Variants in IL1RAPL2 observed in about 807,000 individuals in gnomAD.
The protein encoded by IL1RAPL2 is interleukin 1 receptor accessory protein like 2.
In IL1RAPL2, 3 loss-of-function variants were observed where a neutral mutation model predicts 44.1. The ratio of observed to expected loss-of-function variants is 0.07; its 90% CI spans 0.03 to 0.18. IL1RAPL2 has a LOEUF of 0.18. IL1RAPL2 is among the 10% of genes least tolerant of loss of function. The pLI is 1.00. For missense variants in IL1RAPL2, 391 were observed against 496.4 expected (o/e 0.79, Z 2.02); for synonymous variants, 181 against 178.8 (o/e 1.01, Z -0.10).
At chrX:104,876,078 T>G (rs1922892827) in intron 2 of IL1RAPL2, among the ~76,000 whole-genome samples, 1 of 111,463 alleles carries the variant, frequency 9.0e-6, no homozygotes, top group South Asian at 3.8e-4. Context: ...TCTCTTTTAA[T>G]CATTTAATAG....
At chrX:105,496,554 C>T (rs1427437591) in intron 6 of IL1RAPL2, among the ~76,000 whole-genome samples, 1 of 112,194 alleles carries the variant, frequency 8.9e-6, no homozygotes, top group African/African-American at 3.2e-5. Flanking sequence ...AGCATGTTTT[C>T]AGGCATCATT....
At chrX:105,745,757 C>T (rs2038536041) in intron 8 of IL1RAPL2, among the ~76,000 whole-genome samples, 1 of 111,391 alleles carries the variant, frequency 9.0e-6, no homozygotes, top group Non-Finnish European at 1.9e-5. Context: ...AGTCATAGCA[C>T]ACTGCAGCCT....
At chrX:104,758,571 C>G (rs868534436) in intron 2 of IL1RAPL2, among the ~76,000 whole-genome samples, 1 of 110,961 alleles carries the variant, frequency 9.0e-6, no homozygotes, top group African/African-American at 3.3e-5. Flanking sequence ...AGATGTAGGA[C>G]GGTTGATACA....
intron 2 of IL1RAPL2, among the ~76,000 whole-genome samples, chrX:105,077,387 C>CT (rs1172430326): frequency 8.9e-6 from 1 of 112,034 alleles, no homozygotes; most frequent in Admixed American, 9.5e-5. Flanking sequence ...TCTCTTCTGG[C>CT]TTGTAGAGTT....
At chrX:105,324,614 T>C (rs946586720) in intron 5 of IL1RAPL2, among the ~76,000 whole-genome samples, 1 of 111,863 alleles carries the variant, frequency 8.9e-6, no homozygotes, top group Non-Finnish European at 1.9e-5. Flanking sequence ...GTAATTTCTG[T>C]TTAAAAAGCA....
chrX:105,004,257 A>C (rs1227408432), intron 2 of IL1RAPL2, among the ~76,000 whole-genome samples: 1 of 110,681 alleles, frequency 9.0e-6, no homozygotes, highest in Non-Finnish European at 1.9e-5. Flanking sequence ...TGAGTGACCA[A>C]GATAAGCAGT....
chrX:105,694,040 A>G (rs905543593), intron 6 of IL1RAPL2, among the ~76,000 whole-genome samples: 35 of 111,855 alleles, frequency 3.1e-4, no homozygotes, highest in African/African-American at 1.1e-3. Flanking sequence ...TTTGTCTTTT[A>G]TAACAGCAAT....
chrX:105,007,068 T>C (rs921912296), intron 2 of IL1RAPL2, among the ~76,000 whole-genome samples: 2 of 111,413 alleles, frequency 1.8e-5, no homozygotes, highest in African/African-American at 6.5e-5. Context: ...TATCCCCAAC[T>C]CTTCCATTAG....
chrX:105,421,136 T>G (rs2035771346), intron 5 of IL1RAPL2, among the ~76,000 whole-genome samples: 1 of 111,683 alleles, frequency 9.0e-6, no homozygotes, highest in Non-Finnish European at 1.9e-5. Flanking sequence ...TCAATCAACA[T>G]ATGCAAGATG....
intron 5 of IL1RAPL2, among the ~76,000 whole-genome samples, chrX:105,481,621 A>G (rs1032700261): frequency 6.2e-5 from 7 of 112,412 alleles, no homozygotes; most frequent in Non-Finnish European, 1.1e-4. Flanking sequence ...ATCACATTCC[A>G]GTTAATTTAT....
At chrX:104,839,578 G>T (rs763996135) in intron 2 of IL1RAPL2, among the ~76,000 whole-genome samples, 1 of 111,765 alleles carries the variant, frequency 8.9e-6, no homozygotes, top group African/African-American at 3.3e-5. Flanking sequence ...CCAGGTTTTG[G>T]TATCAGGATG....
intron 6 of IL1RAPL2, among the ~76,000 whole-genome samples, chrX:105,485,495 A>G (rs1316157165): frequency 3.6e-5 from 4 of 111,060 alleles, no homozygotes; most frequent in African/African-American, 6.6e-5. Flanking sequence ...TTTAAGATGT[A>G]CAATAAATTA....
At chrX:105,540,912 T>TATGATATATAATATATACA in intron 6 of IL1RAPL2, among the ~76,000 whole-genome samples, 1 of 45,147 alleles carries the variant, frequency 2.2e-5, no homozygotes, top group East Asian at 4.5e-4. Flanking sequence ...CATACATATA[T>TATGATATATAATATATACA]TATATATGAT....
At chrX:105,647,156 T>C (rs1241936686) in intron 6 of IL1RAPL2, among the ~76,000 whole-genome samples, 1 of 111,930 alleles carries the variant, frequency 8.9e-6, no homozygotes, top group East Asian at 2.8e-4. Context: ...GGAGTGGCAA[T>C]GAGTGCCTCG....
intron 2 of IL1RAPL2, among the ~76,000 whole-genome samples, chrX:105,161,148 C>T (rs1289574995): frequency 2.7e-5 from 3 of 109,866 alleles, no homozygotes; most frequent in Non-Finnish European, 5.7e-5. Context: ...AAGCTGAAGC[C>T]GGAGGGTTGC....
At chrX:104,631,246 C>T (rs1020034774) in intron 1 of IL1RAPL2, among the ~76,000 whole-genome samples, 6 of 112,004 alleles carry the variant, frequency 5.4e-5, no homozygotes, top group Admixed American at 3.8e-4. Flanking sequence ...CATTGTTGGA[C>T]ATTTGGCTTT....
At chrX:105,518,256 G>T (rs1039674333) in intron 6 of IL1RAPL2, among the ~76,000 whole-genome samples, 2 of 110,772 alleles carry the variant, frequency 1.8e-5, no homozygotes, top group Admixed American at 1.9e-4. Context: ...CTCTTTTTCT[G>T]TTCTAAAAAT....
chrX:105,522,246 A>T (rs920469068), intron 6 of IL1RAPL2, among the ~76,000 whole-genome samples: 29 of 112,281 alleles, frequency 2.6e-4, no homozygotes, highest in Admixed American at 2.5e-3. Flanking sequence ...CTGCATCAAT[A>T]TAATGATAAA....
intron 2 of IL1RAPL2, among the ~76,000 whole-genome samples, chrX:104,753,578 T>C (rs1431978994): frequency 8.9e-6 from 1 of 111,819 alleles, no homozygotes; most frequent in East Asian, 2.8e-4. Flanking sequence ...TTTGAATTTA[T>C]TGTCCAGTGA....
Sources: allele counts gnomAD v4.1 joint callset (sites outside exome capture counted in the v4.1 genomes callset), GRCh38; gene constraint gnomAD v4.1.1; transcripts MANE v1.5; gene names NCBI Gene and HGNC (gene_info 2026-07-23, HGNC 2026-07-21).